Variants in CKM observed in about 807,000 individuals in gnomAD.
CKM encodes creatine kinase, M-type.
In CKM, 28 loss-of-function variants were observed where a neutral mutation model predicts 35.4. That is an observed-to-expected ratio of 0.79 (90% confidence interval 0.59 to 1.08). The LOEUF is 1.08. Among genes scored for constraint, CKM ranks in the 50% least tolerant of loss-of-function variants. The pLI, the probability that CKM is intolerant of heterozygous loss-of-function variation, is 0.00. For missense variants in CKM, 484 were observed against 509.8 expected (o/e 0.95, Z 0.49); for synonymous variants, 215 against 204.4 (o/e 1.05, Z -0.44).
In CKM at chr19:45,307,584, T is replaced by C; in HGVS notation, c.844A>G (p.Thr282Ala). The change falls in exon 7 of 8, where the codon ACC (threonine) becomes GCC (alanine). Residue 282 changes from threonine to alanine, a missense_variant. Thr to Ala is a moderately conservative substitution (Grantham distance 58). Coordinates refer to ENST00000221476, the MANE Select transcript of CKM (RefSeq NM_001824.5). ...CCAGTGCCCAGGTTGGATGGGCAGG[T>C]GAGCACGTAGCCCAGGTGCTGGTTC... is the stretch of plus-strand genomic sequence containing the variant. ...MWNQHLGYVL[T>A]CPSNLGTGLR... is the part of the protein sequence containing the mutation. 1 of 1,614,036 alleles carries C rather than the reference T, an allele frequency of 6.2e-7. No individual in the cohort carries two copies. Among genetic ancestry groups the C allele is most frequent in the African/African-American group, 1.3e-5 (1 of 75,008 alleles).
At chr19:45,318,811 G>T (rs1201093718) in intron 2 of CKM, among the ~76,000 whole-genome samples, 2 of 151,778 alleles carry the variant, frequency 1.3e-5, no homozygotes, top group African/African-American at 4.8e-5. Flanking sequence ...TCTTCGCCTT[G>T]CAATGTCCTT....
Position 45,315,555 on chromosome 19 carries a change from C to T in CKM, c.391G>A (p.Val131Ile), listed in dbSNP as rs200253404. 16 of 1,603,476 alleles carry T rather than the reference C, an allele frequency of 1.0e-5. No individual in the cohort carries two copies. Among genetic ancestry groups the T allele is most frequent in the Middle Eastern group, 1.6e-4 (1 of 6,082 alleles). ...CCCTTGATGCTGCGGCCAGTGCGGA[C>T]GCGGCTGCTGAGCACGTAGTTAGGG... ...LDPNYVLSSR[V>I]RTGRSIKGYT... The change falls in exon 4 of 8, where the codon GTC becomes ATC. Residue 131 changes from valine to isoleucine, a missense_variant. Transcript: ENST00000221476.
intron 1 of CKM, among the ~76,000 whole-genome samples, chr19:45,322,608 C>T (rs1274705379): frequency 1.3e-5 from 2 of 152,184 alleles, no homozygotes; most frequent in Non-Finnish European, 1.5e-5. Flanking sequence ...CCGCAGAAAT[C>T]ACAGGTCCCA....
At position 45,315,509 on chromosome 19, in the gene CKM, C is replaced by T. The variant is rs1218026731; in HGVS notation, c.437G>A (p.Cys146Tyr). The T allele has an allele frequency of 6.2e-7, 1 of 1,600,682 alleles. No homozygotes were observed. The highest frequency in any genetic ancestry group is 8.5e-7 in the Non-Finnish European group (1 of 1,179,896). Residue 146 changes from cysteine to tyrosine, a missense_variant, in exon 4 of 8, where the codon TGC becomes TAC. Physicochemically the swap from Cys to Tyr is radical, Grantham distance 194 (BLOSUM62 -2). Transcript: ENST00000221476. ...CACCGCCCGGCGCTCGCCACGGGAG[C>T]AGTGTGGGGGCAACGTGTAGCCCTT... ...SIKGYTLPPH[C>Y]SRGERRAVEK...
At chr19:45,320,489 T>A (rs935640547) in intron 1 of CKM, among the ~76,000 whole-genome samples, 1 of 152,248 alleles carries the variant, frequency 6.6e-6, no homozygotes, top group African/African-American at 2.4e-5. Flanking sequence ...ATCCTCTCTC[T>A]GAGCCCCTGT....
At chr19:45,322,405 AG>A (rs1258106857) in intron 1 of CKM, among the ~76,000 whole-genome samples, 1 of 152,236 alleles carries the variant, frequency 6.6e-6, no homozygotes, top group African/African-American at 2.4e-5. Flanking sequence ...GCAAACGCAA[AG>A]AAAGCCTGCG....
chr19:45,322,798 C>T (rs1010712895), intron 1 of CKM, 23 bp downstream of exon 1: 1 of 985,476 alleles, frequency 1.0e-6, no homozygotes, highest in African/African-American at 1.7e-5. Flanking sequence ...GGCCCCCACC[C>T]AGATTCCCGC....
Position 45,319,575 on chromosome 19 carries a change from T to A in CKM, c.139A>T (p.Thr47Ser). The change falls in exon 2 of 8, where the codon ACT (threonine) becomes TCT (serine). Residue 47 changes from threonine (T) to serine (S), a missense_variant. Transcript: ENST00000221476. ...TCGTCTACAGTGAAGCCAGATGGAG[T>A]CTCCTTGTCCCGCAGCTTCTTGTAG... The part of the protein sequence containing the change: ...ELYKKLRDKE[T>S]PSGFTVDDVI... The A allele has an allele frequency of 6.2e-7, 1 of 1,613,740 alleles. No individual in the cohort carries two copies. Among genetic ancestry groups the A allele is most frequent in the Non-Finnish European group, 8.5e-7 (1 of 1,179,934 alleles).
At chr19:45,319,126 G>A (rs1297050970) in intron 2 of CKM, among the ~76,000 whole-genome samples, 1 of 152,092 alleles carries the variant, frequency 6.6e-6, no homozygotes, top group South Asian at 2.1e-4. Context: ...CAAAGTGCTG[G>A]GATTACAGGC....
intron 5 of CKM, among the ~76,000 whole-genome samples, 168 bp downstream of exon 5, chr19:45,311,581 C>T (rs1971110024): frequency 6.6e-6 from 1 of 152,214 alleles, no homozygotes; most frequent in Non-Finnish European, 1.5e-5. Context: ...AAATCTGACA[C>T]ACAGACCACA....
Position 45,306,467 on chromosome 19 carries a change from C to G in CKM, c.*283G>C, listed in dbSNP as rs866645485. The G allele has an allele frequency of 2.0e-6, 1 of 508,230 alleles. No homozygotes were observed. The highest frequency in any genetic ancestry group is 1.9e-5 in the African/African-American group (1 of 52,140). The allele number at this position is 508,230 out of a possible 1,614,324, so 31.5% of individuals were successfully genotyped here. On this transcript the variant is annotated 3_prime_UTR_variant, in exon 8 of 8. Transcript: ENST00000221476. The surrounding 1 kb of genome is among the most constrained non-coding windows in gnomAD (Gnocchi z 4.5). ...TTGCGTGGAGACAAAGCACAAGCTC[C>G]GAGTGTGCTGGGAGCTCTCCATTAA...
At chr19:45,321,063 A>ATTT (rs35089528) in intron 1 of CKM, among the ~76,000 whole-genome samples, 4 of 142,674 alleles carry the variant, frequency 2.8e-5, no homozygotes, top group African/African-American at 1.0e-4. Context: ...ACACCTGGCT[A>ATTT]TTTTTTTTTT....
chr19:45,308,313 G>A (rs1367070866), intron 6 of CKM, 96 bp downstream of exon 6: 86 of 1,486,432 alleles, frequency 5.8e-5, no homozygotes, highest in Non-Finnish European at 7.9e-5. Context: ...AAATGGGTGG[G>A]GCAGGGCTTA....
At chr19:45,310,936 A>ATT (rs1971103109) in intron 5 of CKM, among the ~76,000 whole-genome samples, 1 of 77,730 alleles carries the variant, frequency 1.3e-5, no homozygotes, top group African/African-American at 8.1e-5. Flanking sequence ...ACGCCGGGCT[A>ATT]ATTTTTTTTT....
chr19:45,316,551 C>A (rs118164606), intron 3 of CKM, among the ~76,000 whole-genome samples: 1,903 of 151,778 alleles, frequency 0.013, 21 homozygotes, highest in Non-Finnish European at 0.02. Flanking sequence ...CTCCTGGCTT[C>A]ACGTGATCCT....
chr19:45,321,823 G>T (rs1971215580), intron 1 of CKM, among the ~76,000 whole-genome samples: 1 of 152,088 alleles, frequency 6.6e-6, no homozygotes, highest in South Asian at 2.1e-4. Flanking sequence ...AGGAGAAGGG[G>T]CCTCCAGCAG....
chr19:45,311,426 G>A (rs974717119), intron 5 of CKM, among the ~76,000 whole-genome samples: 1 of 151,190 alleles, frequency 6.6e-6, no homozygotes, highest in South Asian at 2.1e-4. Flanking sequence ...AGTAGACACC[G>A]TGTTGGCCAG....
intron 1 of CKM, among the ~76,000 whole-genome samples, chr19:45,320,911 T>TTATTAG (rs1200519291): frequency 2.6e-5 from 4 of 151,698 alleles, no homozygotes; most frequent in African/African-American, 9.7e-5. Context: ...ATTATTATTA[T>TTATTAG]TATGTTTGAG....
At chr19:45,315,634 C>T in intron 3 of CKM, 37 bp from the exon 4 acceptor site, 1 of 1,598,488 alleles carries the variant, frequency 6.3e-7, no homozygotes, top group African/African-American at 1.3e-5. Flanking sequence ...CAGGCAGATC[C>T]TCCGCCCTCT....
Sources: gnomAD v4.1 joint callset for allele counts (sites outside exome capture counted in the v4.1 genomes callset) on GRCh38, gnomAD v4.1.1 for gene constraint, Gnocchi (gnomAD v3.1) non-coding constraint, MANE v1.5 for transcripts, NCBI Gene and HGNC (gene_info 2026-07-23, HGNC 2026-07-21) for gene names.